TIMM17A: variants seen among roughly 807,000 people sequenced by gnomAD.
TIMM17A encodes the protein translocase of inner mitochondrial membrane 17A.
In TIMM17A, 15 loss-of-function variants were observed where a neutral mutation model predicts 26.5. That is an observed-to-expected ratio of 0.57 (90% confidence interval 0.38 to 0.87). The LOEUF (loss-of-function observed/expected upper bound fraction) is 0.87. Among genes scored for constraint, TIMM17A ranks in the 40% least tolerant of loss-of-function variants. The pLI is 0.00. For missense variants in TIMM17A, 201 were observed against 210.0 expected, an observed-to-expected ratio of 0.96 and a Z score of 0.27; for synonymous variants, 80 against 70.8, an observed-to-expected ratio of 1.13 and a Z score of -0.66.
chr1:201,956,810 G>C (rs1306460832), intron 1 of TIMM17A, among the ~76,000 whole-genome samples: 1 of 152,090 alleles, frequency 6.6e-6, no homozygotes, highest in Non-Finnish European at 1.5e-5. Flanking sequence ...ACAAATATTA[G>C]CCGGGCGTGG....
At chr1:201,957,087 C>T (rs1310546916) in intron 1 of TIMM17A, among the ~76,000 whole-genome samples, 194 bp from the exon 2 acceptor site, 2 of 152,050 alleles carry the variant, frequency 1.3e-5, no homozygotes, top group African/African-American at 4.8e-5. Flanking sequence ...TCTTTGTAGT[C>T]AAAACTGCTT....
intron 5 of TIMM17A, among the ~76,000 whole-genome samples, chr1:201,967,590 T>C (rs1248529508): frequency 6.6e-6 from 1 of 151,264 alleles, no homozygotes; most frequent in Non-Finnish European, 1.5e-5. Context: ...TGACCCCGGC[T>C]GGAGTGCAGT....
intron 1 of TIMM17A, 31 bp downstream of exon 1, chr1:201,955,583 T>C: frequency 6.2e-7 from 1 of 1,614,184 alleles, no homozygotes. Flanking sequence ...TGCATTTCTC[T>C]TGCCCCCCTG....
rs768792403 is a variant in TIMM17A, at chr1:201,965,500, T to G, written c.387T>G (p.Ala129=). The change falls in exon 5 of 6, where the codon GCT becomes GCG. Residue 129 remains alanine (A), a synonymous_variant. Coordinates refer to ENST00000367287, the MANE Select transcript of TIMM17A (RefSeq NM_006335.3). The stretch of plus-strand genomic sequence containing the variant: ...TTCTCCTAGCTTTAATTGAAGGAGC[T>G]GGTATCTTGTTGACAAGATTTGCCT... ...GGILLALIEG[A]GILLTRFASA... The G allele has an allele frequency of 2.3e-5, 37 of 1,614,090 alleles. No homozygotes were observed. Among genetic ancestry groups the G allele is most frequent in the Non-Finnish European group, 3.1e-5 (37 of 1,180,016 alleles).
At chr1:201,959,994 G>C (rs1682494209) in intron 3 of TIMM17A, among the ~76,000 whole-genome samples, 1 of 141,606 alleles carries the variant, frequency 7.1e-6, no homozygotes, top group Non-Finnish European at 1.6e-5. Context: ...GCGAGACTCT[G>C]TCTCAAAATA....
At chr1:201,966,990 G>GT (rs1168561296) in intron 5 of TIMM17A, among the ~76,000 whole-genome samples, 13 of 35,468 alleles carry the variant, frequency 3.7e-4, no homozygotes, top group South Asian at 2.7e-3. Flanking sequence ...TATTATATAT[G>GT]TTGTGTGTGT....
intron 3 of TIMM17A, among the ~76,000 whole-genome samples, chr1:201,960,765 CTT>C (rs777087957): frequency 1.4e-5 from 2 of 146,016 alleles, no homozygotes; most frequent in Admixed American, 6.9e-5. Flanking sequence ...TATTTTCTTT[CTT>C]TTTTTTTTTG....
At chr1:201,961,320 G>A (rs1209302704) in intron 3 of TIMM17A, among the ~76,000 whole-genome samples, 1 of 152,108 alleles carries the variant, frequency 6.6e-6, no homozygotes, top group African/African-American at 2.4e-5. Flanking sequence ...ACCCGTCTTG[G>A]CCTCCCAAAG....
intron 4 of TIMM17A, among the ~76,000 whole-genome samples, chr1:201,964,680 A>G (rs1463550001): frequency 9.6e-6 from 1 of 103,728 alleles, no homozygotes; most frequent in Non-Finnish European, 1.7e-5. Flanking sequence ...ACTGAGTCTC[A>G]CTCTGTCGCC....
At chr1:201,964,238 T>TGA (rs1418876962) in intron 4 of TIMM17A, among the ~76,000 whole-genome samples, 2 of 152,214 alleles carry the variant, frequency 1.3e-5, no homozygotes, top group African/African-American at 4.8e-5. Flanking sequence ...TTACAGTGGT[T>TGA]GAGAGCACTT....
rs1369240051 is a variant in TIMM17A, at chr1:201,970,326, TAAAG to T, written c.*773_*776del. 6.6e-6 allele frequency: 1 copy of T among 152,250 alleles called. No individual in the cohort carries two copies. The highest frequency in any genetic ancestry group is 1.5e-5 in the Non-Finnish European group (1 of 68,062). The allele number at this position is 152,250 out of a possible 1,614,324, so 9.4% of individuals were successfully genotyped here. On this transcript the variant is annotated 3_prime_UTR_variant, in exon 6 of 6. Transcript: ENST00000367287. ...TTAGTGTTTCTTGTATGCTTGAAAA[TAAAG>T]TATGTACTGTTTTGAATGTGTTCCA...
Position 201,963,564 on chromosome 1 carries a change from G to A in TIMM17A, c.191-52G>A, listed in dbSNP as rs950617721. 12 of 1,561,178 alleles carry A rather than the reference G, an allele frequency of 7.7e-6. No homozygotes were observed. The East Asian group carries it at 9.0e-5, about 12-fold the overall frequency. ...TGTTTTTGACTATAATATTTTAAAT[G>A]GAAGATGAAATTTAAATTAGTATTT... On this transcript the variant is annotated intron_variant, in intron 3 of 5. Coordinates refer to ENST00000367287, the MANE Select transcript of TIMM17A (RefSeq NM_006335.3).
At chr1:201,956,887 C>T (rs920402280) in intron 1 of TIMM17A, among the ~76,000 whole-genome samples, 2 of 146,190 alleles carry the variant, frequency 1.4e-5, no homozygotes, top group African/African-American at 5.1e-5. Flanking sequence ...ACCCAGGAGA[C>T]GGAGGTTGCA....
intron 3 of TIMM17A, among the ~76,000 whole-genome samples, chr1:201,959,986 G>A (rs935855441): frequency 5.3e-5 from 8 of 150,186 alleles, no homozygotes; most frequent in African/African-American, 9.7e-5. Flanking sequence ...GGGTGACAGC[G>A]AGACTCTGTC....
intron 1 of TIMM17A, 77 bp downstream of exon 1, chr1:201,955,629 AG>A: frequency 6.3e-7 from 1 of 1,599,694 alleles, no homozygotes; most frequent in Non-Finnish European, 8.6e-7. Flanking sequence ...CAGGCTCCCA[AG>A]GTGCAAGCCA....
At chr1:201,965,257 T>C (rs1682608024) in intron 4 of TIMM17A, among the ~76,000 whole-genome samples, 176 bp from the exon 5 acceptor site, 1 of 152,298 alleles carries the variant, frequency 6.6e-6, no homozygotes, top group South Asian at 2.1e-4. Flanking sequence ...TTTACAAAAA[T>C]AGGCAGTGGG....
intron 4 of TIMM17A, among the ~76,000 whole-genome samples, chr1:201,965,172 G>A (rs1042729148): frequency 4.6e-5 from 7 of 152,122 alleles, no homozygotes; most frequent in Admixed American, 1.3e-4. Context: ...GGCTGGTCTC[G>A]AACTCCTGAC....
At position 201,955,518 on chromosome 1, in the gene TIMM17A, G is replaced by A. The variant is rs1205740418; in HGVS notation, c.-9G>A. On this transcript the variant is annotated 5_prime_UTR_variant, in exon 1 of 6. Transcript: ENST00000367287. ...CTTGCCCGGCATCACTCGCGGCATT[G>A]GAGTCAAGATGGAGGAGTACGCGCG... is the stretch of plus-strand genomic sequence containing the variant. The A allele has an allele frequency of 1.9e-6, 3 of 1,614,258 alleles. No individual in the cohort carries two copies. The highest frequency in any genetic ancestry group is 2.2e-5 in the South Asian group (2 of 91,090).
intron 3 of TIMM17A, among the ~76,000 whole-genome samples, chr1:201,959,789 A>G (rs1480359763): frequency 6.6e-6 from 1 of 151,738 alleles, no homozygotes; most frequent in African/African-American, 2.4e-5. Flanking sequence ...CCTGGCTAAC[A>G]CGGTGAAACC....
Sources: gnomAD v4.1 joint callset for allele counts (sites outside exome capture counted in the v4.1 genomes callset) on GRCh38, gnomAD v4.1.1 for gene constraint, MANE v1.5 for transcripts, NCBI Gene and HGNC (gene_info 2026-07-23, HGNC 2026-07-21) for gene names.